IL12RB2: variants seen among roughly 807,000 people sequenced by gnomAD.
IL12RB2 encodes interleukin 12 receptor subunit beta 2.
A neutral mutation model predicts 89.4 loss-of-function variants in IL12RB2; 82 were observed. That is an observed-to-expected ratio of 0.92 (90% CI 0.77 to 1.10). The LOEUF (loss-of-function observed/expected upper bound fraction) is 1.10. Ranked by LOEUF, IL12RB2 falls within the 50% of genes least tolerant of loss-of-function variation. The probability of loss-of-function intolerance (pLI) is 0.00; values close to 1 mark genes in which losing one functional copy is unlikely to be tolerated. For missense variants in IL12RB2, 963 were observed against 1,031.9 expected (o/e 0.93, Z 0.92); for synonymous variants, 368 against 370.1 (o/e 0.99, Z 0.07).
At chr1:67,347,434 T>C (rs978864171) in intron 9 of IL12RB2, among the ~76,000 whole-genome samples, 3 of 152,182 alleles carry the variant, frequency 2.0e-5, no homozygotes, top group Non-Finnish European at 2.9e-5. Context: ...CCTCCTCCAA[T>C]AGATCTTTAA....
Position 67,376,703 on chromosome 1 carries a change from C to CGT in IL12RB2, c.1718-3270_1718-3269dup, listed in dbSNP as rs59880609. Among the ~76,000 whole-genome samples the CGT allele has an allele frequency of 2.3e-3, 342 of 150,636 alleles. 3 individuals are homozygous for CGT. Among genetic ancestry groups the CGT allele is most frequent in the East Asian group, 4.9e-3 (25 of 5,110 alleles). On this transcript the variant is annotated intron_variant, in intron 13 of 16. Coordinates refer to ENST00000674203, the MANE Select transcript of IL12RB2 (RefSeq NM_001374259.2). ...TATTTTTGTTCTCCTAATATGTGTG[C>CGT]GTGTGTGTGTGTGTATGTGTGTTTG...
intron 13 of IL12RB2, among the ~76,000 whole-genome samples, chr1:67,375,015 T>C (rs11209059): frequency 0.65 from 99,172 of 151,756 alleles, 32,995 homozygotes; most frequent in South Asian, 0.73. Flanking sequence ...GGTTAAATTT[T>C]CATTTAATTC....
At chr1:67,354,175 T>C (rs1240142890) in intron 10 of IL12RB2, among the ~76,000 whole-genome samples, 1 of 152,038 alleles carries the variant, frequency 6.6e-6, no homozygotes, top group Non-Finnish European at 1.5e-5. Flanking sequence ...AGCCAAAGCA[T>C]GAGCTTGGAG....
intron 10 of IL12RB2, among the ~76,000 whole-genome samples, chr1:67,361,706 A>G (rs769670022): frequency 2.0e-5 from 3 of 152,110 alleles, no homozygotes; most frequent in Non-Finnish European, 2.9e-5. Context: ...AAATATGAGA[A>G]GGTAAAAAAA....
intron 10 of IL12RB2, among the ~76,000 whole-genome samples, chr1:67,361,586 C>T (rs1557445834): frequency 6.6e-6 from 1 of 151,782 alleles, no homozygotes; most frequent in Non-Finnish European, 1.5e-5. Flanking sequence ...GAAGATATGT[C>T]AATAGAAACC....
intron 16 of IL12RB2, among the ~76,000 whole-genome samples, 172 bp from the exon 17 acceptor site, chr1:67,395,375 C>T (rs1165737045): frequency 1.3e-5 from 2 of 152,186 alleles, no homozygotes; most frequent in Non-Finnish European, 2.9e-5. Flanking sequence ...GCCCCTCTGC[C>T]TCCCCAACAA....
chr1:67,311,372 T>C (rs988883088), intron 1 of IL12RB2, among the ~76,000 whole-genome samples: 3 of 152,186 alleles, frequency 2.0e-5, no homozygotes, highest in African/African-American at 7.2e-5. Context: ...AGCATCAAGC[T>C]TGGATTTTTA....
intron 13 of IL12RB2, among the ~76,000 whole-genome samples, chr1:67,377,326 G>C (rs1385894585): frequency 6.6e-6 from 1 of 152,192 alleles, no homozygotes; most frequent in Admixed American, 6.5e-5. Context: ...TTGTGAGCCA[G>C]TATATGTTGA....
chr1:67,364,958 C>T (rs184630419), intron 10 of IL12RB2, among the ~76,000 whole-genome samples: 8 of 152,148 alleles, frequency 5.3e-5, no homozygotes, highest in Non-Finnish European at 1.0e-4. Flanking sequence ...ATGCAATGTC[C>T]GCTCCCAGAC....
At chr1:67,352,033 T>A (rs959612367) in intron 10 of IL12RB2, among the ~76,000 whole-genome samples, 3 of 152,214 alleles carry the variant, frequency 2.0e-5, no homozygotes, top group Non-Finnish European at 4.4e-5. Context: ...TGAAAAAGTC[T>A]ACCAAAATAC....
chr1:67,373,992 A>G (rs977103351), intron 13 of IL12RB2, among the ~76,000 whole-genome samples: 3 of 152,216 alleles, frequency 2.0e-5, no homozygotes, highest in Non-Finnish European at 4.4e-5. Context: ...GATAGTTCAG[A>G]AAGATATAGA....
intron 11 of IL12RB2, among the ~76,000 whole-genome samples, chr1:67,369,010 G>A (rs1326503281): frequency 6.6e-6 from 1 of 152,144 alleles, no homozygotes; most frequent in Non-Finnish European, 1.5e-5. Flanking sequence ...CATTACACCT[G>A]TCTAGGAGGA....
intron 6 of IL12RB2, 89 bp downstream of exon 6, chr1:67,328,473 A>G (rs1657628982): frequency 1.3e-6 from 2 of 1,595,738 alleles, no homozygotes; most frequent in South Asian, 1.1e-5. Context: ...CAAGAAAGAC[A>G]GAGATTGATG....
intron 10 of IL12RB2, among the ~76,000 whole-genome samples, chr1:67,354,790 T>C (rs1661206683): frequency 6.6e-6 from 1 of 152,184 alleles, no homozygotes; most frequent in African/African-American, 2.4e-5. Context: ...AGTCATACTA[T>C]TTACATATGT....
intron 14 of IL12RB2, among the ~76,000 whole-genome samples, chr1:67,381,492 G>A (rs1481021348): frequency 1.3e-5 from 2 of 152,136 alleles, no homozygotes; most frequent in African/African-American, 2.4e-5. Context: ...AGCTGGGCAC[G>A]GTAGCTCGTG....
chr1:67,329,530 A>C (rs1281855642), intron 6 of IL12RB2, 57 bp from the exon 7 acceptor site: 1 of 1,057,462 alleles, frequency 9.5e-7, no homozygotes, highest in East Asian at 2.4e-5. Flanking sequence ...CCAGTACATA[A>C]GACAATTGCT....
At chr1:67,366,877 T>C (rs915823715) in intron 10 of IL12RB2, among the ~76,000 whole-genome samples, 1 of 152,104 alleles carries the variant, frequency 6.6e-6, no homozygotes, top group African/African-American at 2.4e-5. Context: ...CGGATTTACA[T>C]AATAGCAGCT....
Position 67,396,287 on chromosome 1 carries a change from T to C in IL12RB2, c.*198T>C. 1 of 654,034 alleles carries C rather than the reference T, an allele frequency of 1.5e-6. No individual in the cohort carries two copies. Among genetic ancestry groups the C allele is most frequent in the Non-Finnish European group, 2.8e-6 (1 of 363,010 alleles). The allele number at this position is 654,034 out of a possible 1,614,324, so 40.5% of individuals were successfully genotyped here. On this transcript the variant is annotated 3_prime_UTR_variant, in exon 17 of 17. Coordinates refer to ENST00000674203, the MANE Select transcript of IL12RB2 (RefSeq NM_001374259.2). ...TTCACTCAGATGCCTCATCTTGCCT[T>C]TCCCAGGGCCTTAAAATTACATCCT...
chr1:67,325,665 C>G (rs1657186027), intron 4 of IL12RB2, among the ~76,000 whole-genome samples: 1 of 152,192 alleles, frequency 6.6e-6, no homozygotes, highest in South Asian at 2.1e-4. Flanking sequence ...CTGACTTGTC[C>G]AAGGTCACAC....
Sources: allele counts gnomAD v4.1 joint callset (sites outside exome capture counted in the v4.1 genomes callset), GRCh38; gene constraint gnomAD v4.1.1; transcripts MANE v1.5; gene names NCBI Gene and HGNC (gene_info 2026-07-23, HGNC 2026-07-21).